Variants in ARMC8 observed in about 807,000 individuals in gnomAD.
The protein encoded by ARMC8 is armadillo repeat containing 8, also known as armadillo repeat-containing protein 8.
ARMC8 carries 20 observed loss-of-function variants against 99.3 expected under a neutral mutation model. That is an observed-to-expected ratio of 0.20 (90% confidence interval 0.14 to 0.29). The LOEUF (loss-of-function observed/expected upper bound fraction) is 0.29, where lower values mean the gene tolerates loss of function less well. ARMC8 is among the 10% of genes least tolerant of loss of function. The pLI, the probability that ARMC8 is intolerant of heterozygous loss-of-function variation, is 1.00. For synonymous variants in ARMC8, 263 were observed against 278.3 expected (o/e 0.95, Z 0.55); for missense variants, 569 against 809.5 (o/e 0.70, Z 3.60).
intron 1 of ARMC8, among the ~76,000 whole-genome samples, chr3:138,196,819 A>C (rs541214737): frequency 6.6e-6 from 1 of 152,196 alleles, no homozygotes; most frequent in African/African-American, 2.4e-5. Context: ...GTGAGCTGAG[A>C]TCGCACCCTT....
chr3:138,231,443 GGA>G (rs2046022371), intron 6 of ARMC8, among the ~76,000 whole-genome samples: 1 of 151,928 alleles, frequency 6.6e-6, no homozygotes, highest in Non-Finnish European at 1.5e-5. Context: ...AGGGAAAAAG[GGA>G]GAGCTCACTA....
chr3:138,194,105 C>T (rs1252691850), intron 1 of ARMC8, among the ~76,000 whole-genome samples: 5 of 151,012 alleles, frequency 3.3e-5, no homozygotes, highest in East Asian at 1.9e-4. Flanking sequence ...TGCAGTGGCG[C>T]GACCTCAGCT....
At chr3:138,214,310 A>G (rs2044880925) in intron 2 of ARMC8, among the ~76,000 whole-genome samples, 2 of 152,018 alleles carry the variant, frequency 1.3e-5, no homozygotes, top group East Asian at 1.9e-4. Flanking sequence ...CCTCTGGTGA[A>G]TTCAGTCAGG....
intron 1 of ARMC8, among the ~76,000 whole-genome samples, chr3:138,197,467 A>T (rs1237657594): frequency 6.6e-6 from 1 of 152,218 alleles, no homozygotes; most frequent in Non-Finnish European, 1.5e-5. Context: ...ATTTTGAATA[A>T]TAATTTCAAC....
intron 1 of ARMC8, among the ~76,000 whole-genome samples, chr3:138,198,015 A>C (rs2043836375): frequency 2.0e-5 from 3 of 152,344 alleles, no homozygotes; most frequent in Non-Finnish European, 4.4e-5. Flanking sequence ...AAGGGCAATA[A>C]GAATGCATTA....
At chr3:138,199,380 C>T (rs1315186243) in intron 1 of ARMC8, among the ~76,000 whole-genome samples, 1 of 152,048 alleles carries the variant, frequency 6.6e-6, no homozygotes, top group Admixed American at 6.6e-5. Flanking sequence ...TTTTTTTCTC[C>T]TTTTGGAGAA....
At chr3:138,211,465 A>C (rs941537105) in intron 2 of ARMC8, among the ~76,000 whole-genome samples, 3 of 152,248 alleles carry the variant, frequency 2.0e-5, no homozygotes, top group African/African-American at 7.2e-5. Context: ...AAAGAACACT[A>C]GTTTCTCAAA....
intron 13 of ARMC8, 144 bp downstream of exon 13, chr3:138,263,965 TA>T: frequency 1.0e-6 from 1 of 970,252 alleles, no homozygotes; most frequent in Non-Finnish European, 1.6e-6. Context: ...TAACATTGTC[TA>T]ACAGAGAGCC....
chr3:138,223,423 A>G lies in ARMC8; in HGVS notation c.229A>G (p.Thr77Ala), dbSNP rs146088572. 2.3e-3 allele frequency: 3,717 copies of G among 1,614,190 alleles called. 20 individuals are homozygous for G. Among genetic ancestry groups the G allele is most frequent in the Middle Eastern group, 0.012 (71 of 6,062 alleles). ...CTTGCTTCAGCAAGAAACCTCAAGC[A>G]CAGAGCTGAAAACTGAATGTGCAGT... is the stretch of plus-strand genomic sequence containing the variant. The part of the protein sequence containing the change: ...LYLLQQETSS[T>A]ELKTECAVVL... The change falls in exon 4 of 22, where the codon ACA (threonine) becomes GCA (alanine). Residue 77 changes from threonine (T) to alanine (A), a missense_variant. Physicochemically the swap from Thr to Ala is moderately conservative, Grantham distance 58 (BLOSUM62 0). This residue lies in a region of ARMC8 where 342 missense variants were observed against 391.6 expected (regional missense o/e 0.87). Coordinates refer to ENST00000469044, the MANE Select transcript of ARMC8 (RefSeq NM_001363941.2).
rs2045433830 is a variant in ARMC8, at chr3:138,222,089, G to C, written c.194+92G>C. On this transcript the variant is annotated intron_variant, in intron 3 of 21. Transcript: ENST00000469044. ...TTATAGAACCCATTTTTCCTGTATT[G>C]TCTGTCTAATTCTTAAAATAAATCC... 8 of 911,902 alleles carry C rather than the reference G, an allele frequency of 8.8e-6. No individual in the cohort carries two copies. The East Asian group carries it at 2.0e-4, about 23-fold the overall frequency. 56.5% of individuals were successfully genotyped at this position (911,902 alleles called of 1,614,324 possible).
chr3:138,229,902 A>G (rs573203930), intron 6 of ARMC8, among the ~76,000 whole-genome samples: 6 of 152,224 alleles, frequency 3.9e-5, no homozygotes, highest in Admixed American at 2.6e-4. Context: ...TTTGGGAACT[A>G]TAGGAAAGAA....
At chr3:138,236,501 C>T (rs1448756420) in intron 7 of ARMC8, among the ~76,000 whole-genome samples, 1 of 152,170 alleles carries the variant, frequency 6.6e-6, no homozygotes, top group African/African-American at 2.4e-5. Flanking sequence ...AGTCTGGTAA[C>T]ATTACTCTTC....
chr3:138,287,625 T>C (rs1560053344), intron 19 of ARMC8: 1 of 456,598 alleles, frequency 2.2e-6, no homozygotes, highest in Non-Finnish European at 4.4e-6. Context: ...TTCTGTTTTG[T>C]CTTAAGGGAG....
chr3:138,246,238 T>C, intron 12 of ARMC8: 1 of 985,240 alleles, frequency 1.0e-6, no homozygotes. Context: ...TTAAAATCAA[T>C]GCAAAAAGCA....
At chr3:138,194,431 A>G (rs1383740723) in intron 1 of ARMC8, among the ~76,000 whole-genome samples, 10 of 117,578 alleles carry the variant, frequency 8.5e-5, no homozygotes, top group Middle Eastern at 6.9e-3. Flanking sequence ...TCCGCCTCCC[A>G]GGTTCACACC....
chr3:138,191,472 A>G (rs1415355202), intron 1 of ARMC8, among the ~76,000 whole-genome samples: 1 of 152,202 alleles, frequency 6.6e-6, no homozygotes, highest in East Asian at 1.9e-4. Flanking sequence ...GTTACATCTT[A>G]TATAGTTACA....
chr3:138,239,596 C>T (rs6778511), intron 10 of ARMC8, 68 bp downstream of exon 10: 541,726 of 951,634 alleles, frequency 0.57, 158,262 homozygotes, highest in East Asian at 0.81. Context: ...AGTATTGATA[C>T]TCATATTTCA....
chr3:138,264,317 T>C, intron 14 of ARMC8, 105 bp downstream of exon 14: 1 of 811,720 alleles, frequency 1.2e-6, no homozygotes, highest in Non-Finnish European at 2.0e-6. Context: ...GATTTTTGTG[T>C]AGAGCATTTT....
At chr3:138,216,531 T>G (rs2045053406) in intron 2 of ARMC8, among the ~76,000 whole-genome samples, 1 of 152,240 alleles carries the variant, frequency 6.6e-6, no homozygotes, top group Middle Eastern at 3.2e-3. Context: ...GTTATCATAC[T>G]TGGATGTCTG....
Sources: gnomAD v4.1 joint callset for allele counts (sites outside exome capture counted in the v4.1 genomes callset) on GRCh38, gnomAD v4.1.1 for gene constraint, gnomAD v4.1.1 regional missense constraint, MANE v1.5 for transcripts, NCBI Gene and HGNC (gene_info 2026-07-23, HGNC 2026-07-21) for gene names.